The following GRIK4 variants were observed in gnomAD, a reference collection of about 807,000 sequenced individuals.
The protein encoded by GRIK4 is glutamate receptor ionotropic, kainate 4.
A neutral mutation model predicts 104.9 loss-of-function variants in GRIK4; 40 were observed. The ratio of observed to expected loss-of-function variants is 0.38; its 90% CI spans 0.30 to 0.50. The LOEUF (loss-of-function observed/expected upper bound fraction) is 0.50, where lower values mean the gene tolerates loss of function less well. Ranked by LOEUF, GRIK4 falls within the 20% of genes least tolerant of loss-of-function variation. The probability of loss-of-function intolerance (pLI) is 0.93; values close to 1 mark genes in which losing one functional copy is unlikely to be tolerated. For missense variants in GRIK4, 1,047 were observed against 1,308.1 expected (o/e 0.80, Z 3.08); for synonymous variants, 485 against 524.9 (o/e 0.92, Z 1.04).
At chr11:120,780,994 G>A (rs1016856134) in intron 3 of GRIK4, among the ~76,000 whole-genome samples, 2 of 152,016 alleles carry the variant, frequency 1.3e-5, no homozygotes, top group African/African-American at 4.8e-5. Context: ...TGCCTGCCTC[G>A]GCCTCCCAAA....
chr11:120,513,135 C>T lies in GRIK4; in HGVS notation c.-159+1248C>T, dbSNP rs924844322. 5.3e-5 allele frequency among the ~76,000 whole-genome samples: 8 copies of T among 152,294 alleles called. No individual in the cohort carries two copies. Among genetic ancestry groups the T allele is most frequent in the Admixed American group, 5.2e-4 (8 of 15,298 alleles). The stretch of plus-strand genomic sequence containing the variant: ...GGGAAGAGGAGGGGAGCTCTGAGCA[C>T]AGCTGGGCCCTTTTGCCAGGCAGTG... On this transcript the variant is annotated intron_variant, in intron 1 of 20. Coordinates refer to ENST00000527524, the MANE Select transcript of GRIK4 (RefSeq NM_014619.5). The surrounding 1 kb of genome is among the most constrained non-coding windows in gnomAD (Gnocchi z 4.5).
chr11:120,977,084 A>C (rs953464064), intron 19 of GRIK4, among the ~76,000 whole-genome samples: 1 of 152,218 alleles, frequency 6.6e-6, no homozygotes, highest in Admixed American at 6.5e-5. Context: ...TTTGTGAACT[A>C]TCATTTTTTG....
At chr11:120,563,029 C>T (rs890936094) in intron 1 of GRIK4, among the ~76,000 whole-genome samples, 1 of 152,216 alleles carries the variant, frequency 6.6e-6, no homozygotes, top group African/African-American at 2.4e-5. Flanking sequence ...GTCATGCAGG[C>T]TGGCACCCAG....
chr11:120,551,347 GGGTCAT>G (rs2136095515), intron 1 of GRIK4, among the ~76,000 whole-genome samples: 1 of 152,290 alleles, frequency 6.6e-6, no homozygotes, highest in East Asian at 1.9e-4. Flanking sequence ...ATCTGACTAT[GGGTCAT>G]GAAACCTTTA....
intron 1 of GRIK4, among the ~76,000 whole-genome samples, chr11:120,554,398 C>T (rs192291530): frequency 1.3e-5 from 2 of 152,250 alleles, no homozygotes; most frequent in Admixed American, 6.5e-5. Flanking sequence ...ACGATGTCTC[C>T]CAACCTTGCA....
intron 9 of GRIK4, chr11:120,872,223 A>C (rs1954628388): frequency 6.5e-6 from 2 of 307,742 alleles, no homozygotes; most frequent in Admixed American, 8.8e-5. Context: ...GGTAACAGAA[A>C]TTGTTGCTCA....
intron 6 of GRIK4, among the ~76,000 whole-genome samples, chr11:120,824,716 A>AT (rs554381837): frequency 3.3e-3 from 499 of 150,646 alleles, no homozygotes; most frequent in Non-Finnish European, 5.6e-3. Flanking sequence ...CGCCTGGCTA[A>AT]TTTTTTTATT....
intron 1 of GRIK4, among the ~76,000 whole-genome samples, chr11:120,519,686 A>C (rs186314048): frequency 6.6e-6 from 1 of 152,212 alleles, no homozygotes. Flanking sequence ...TCATTAGCCC[A>C]AAGTCCCATA....
chr11:120,568,767 G>T (rs1284137454), intron 1 of GRIK4, among the ~76,000 whole-genome samples: 1 of 152,146 alleles, frequency 6.6e-6, no homozygotes, highest in African/African-American at 2.4e-5. Flanking sequence ...GCCAAAGATG[G>T]AGTTAGACCC....
At chr11:120,855,002 A>G (rs1591993001) in intron 8 of GRIK4, among the ~76,000 whole-genome samples, 1 of 152,344 alleles carries the variant, frequency 6.6e-6, no homozygotes, top group East Asian at 1.9e-4. Context: ...TAACCATTTA[A>G]TTAAGCCCAA....
Position 120,953,782 on chromosome 11 carries a change from C to G in GRIK4, c.1700+818C>G, listed in dbSNP as rs958303337. Among the ~76,000 whole-genome samples, 2 of 152,194 alleles carry G rather than the reference C, an allele frequency of 1.3e-5. No homozygotes were observed. Among genetic ancestry groups the G allele is most frequent in the Non-Finnish European group, 2.9e-5 (2 of 68,028 alleles). ...CCAGCCTGAGCTGCAGGAGAGCCAG[C>G]TTAACCCTCCAGAAGTGGGATGAGC... On this transcript the variant is annotated intron_variant, in intron 15 of 20. Transcript: ENST00000527524. The surrounding 1 kb of genome is among the most constrained non-coding windows in gnomAD (Gnocchi z 4.9).
At chr11:120,658,577 G>C (rs1379272537) in intron 2 of GRIK4, among the ~76,000 whole-genome samples, 1 of 152,014 alleles carries the variant, frequency 6.6e-6, no homozygotes, top group East Asian at 1.9e-4. Flanking sequence ...GTGTACAGTA[G>C]TTTAAAATTT....
At chr11:120,543,585 A>G (rs1170723689) in intron 1 of GRIK4, among the ~76,000 whole-genome samples, 1 of 152,158 alleles carries the variant, frequency 6.6e-6, no homozygotes, top group Non-Finnish European at 1.5e-5. Context: ...AAAAGAAAAG[A>G]GAATGTATGT....
At chr11:120,920,585 A>G (rs1398758709) in intron 13 of GRIK4, among the ~76,000 whole-genome samples, 1 of 151,962 alleles carries the variant, frequency 6.6e-6, no homozygotes, top group African/African-American at 2.4e-5. Context: ...CCAAGGTTAT[A>G]TGCGCTGTTC....
intron 3 of GRIK4, among the ~76,000 whole-genome samples, chr11:120,712,465 G>C (rs6589834): frequency 0.13 from 20,163 of 152,018 alleles, 1,468 homozygotes; most frequent in African/African-American, 0.19. Flanking sequence ...GTCAACAGAG[G>C]TCACCCACCC....
At chr11:120,804,055 T>C (rs1393889969) in intron 4 of GRIK4, among the ~76,000 whole-genome samples, 1 of 152,204 alleles carries the variant, frequency 6.6e-6, no homozygotes, top group Non-Finnish European at 1.5e-5. Context: ...TTGACAACTT[T>C]ACAAGACTAG....
chr11:120,752,712 G>A (rs1951578372), intron 3 of GRIK4, among the ~76,000 whole-genome samples: 1 of 152,188 alleles, frequency 6.6e-6, no homozygotes, highest in Non-Finnish European at 1.5e-5. Flanking sequence ...GGTCAGGGTG[G>A]GGACCCAGTC....
At chr11:120,747,745 TG>T (rs1413021957) in intron 3 of GRIK4, among the ~76,000 whole-genome samples, 1 of 152,256 alleles carries the variant, frequency 6.6e-6, no homozygotes, top group Non-Finnish European at 1.5e-5. Flanking sequence ...GTTAATATTG[TG>T]AACATTATTG....
intron 1 of GRIK4, among the ~76,000 whole-genome samples, chr11:120,547,606 T>G (rs1350941653): frequency 6.6e-6 from 1 of 150,964 alleles, no homozygotes; most frequent in African/African-American, 2.5e-5. Flanking sequence ...TTTTTTTTTT[T>G]GTCCTGACAT....
Sources: gnomAD v4.1 joint callset for allele counts (sites outside exome capture counted in the v4.1 genomes callset) on GRCh38, gnomAD v4.1.1 for gene constraint, Gnocchi (gnomAD v3.1) non-coding constraint, MANE v1.5 for transcripts, NCBI Gene and HGNC (gene_info 2026-07-23, HGNC 2026-07-21) for gene names.